The following KIF18A variants were observed in gnomAD, a reference collection of about 807,000 sequenced individuals.
The protein encoded by KIF18A is kinesin family member 18A, also known as kinesin-like protein KIF18A.
KIF18A carries 67 observed loss-of-function variants against 103.3 expected under a neutral mutation model. The ratio of observed to expected loss-of-function variants is 0.65; its 90% CI spans 0.53 to 0.79. KIF18A has a LOEUF of 0.79. Among genes scored for constraint, KIF18A ranks in the 30% least tolerant of loss-of-function variants. The pLI is 0.00. For missense variants in KIF18A, 1,032 were observed against 1,062.5 expected, an observed-to-expected ratio of 0.97 and a Z score of 0.40; for synonymous variants, 367 against 355.5, an observed-to-expected ratio of 1.03 and a Z score of -0.36.
intron 12 of KIF18A, among the ~76,000 whole-genome samples, chr11:28,061,836 T>C (rs917073307): frequency 1.3e-5 from 2 of 152,012 alleles, no homozygotes; most frequent in African/African-American, 2.4e-5. Flanking sequence ...GTATCCAATG[T>C]GACAAAAAAA....
chr11:28,069,099 A>T (rs1283031800), intron 11 of KIF18A, among the ~76,000 whole-genome samples, 160 bp downstream of exon 11: 2 of 152,214 alleles, frequency 1.3e-5, no homozygotes, highest in African/African-American at 4.8e-5. Flanking sequence ...TTATAAAAGG[A>T]TGCAATCACT....
At chr11:28,086,535 C>T (rs1276969235) in intron 6 of KIF18A, among the ~76,000 whole-genome samples, 2 of 152,052 alleles carry the variant, frequency 1.3e-5, no homozygotes, top group East Asian at 3.8e-4. Flanking sequence ...TAAAAGCAAC[C>T]TAATGTTATC....
At position 28,091,141 on chromosome 11, in the gene KIF18A, A is replaced by ATACATAC. The variant is rs1554974410; in HGVS notation, c.588+267_588+268insGTATGTA. ...CGGTCACAAAATAAATAAATAAATA[A>ATACATAC]ATAAATAAATACATACATACATACA... On this transcript the variant is annotated intron_variant, in intron 4 of 16. Coordinates refer to ENST00000263181, the MANE Select transcript of KIF18A (RefSeq NM_031217.4). 6.1e-4 allele frequency among the ~76,000 whole-genome samples: 79 copies of ATACATAC among 128,530 alleles called. No individual in the cohort carries two copies. In the South Asian group the frequency reaches 9.4e-3, roughly 15 times the overall value. 84.3% of individuals were successfully genotyped at this position (128,530 alleles called of 152,430 possible).
chr11:28,098,899 A>G (rs1438564815), intron 1 of KIF18A, among the ~76,000 whole-genome samples: 1 of 152,078 alleles, frequency 6.6e-6, no homozygotes, highest in Non-Finnish European at 1.5e-5. Context: ...CCAAACCACA[A>G]AACAAAATAA....
At chr11:28,078,852 T>C (rs1027751721) in intron 9 of KIF18A, among the ~76,000 whole-genome samples, 1 of 152,044 alleles carries the variant, frequency 6.6e-6, no homozygotes, top group Non-Finnish European at 1.5e-5. Context: ...TGAAAATTCA[T>C]GGCATTAAAA....
chr11:28,067,014 A>G (rs1307743915), intron 11 of KIF18A, among the ~76,000 whole-genome samples: 1 of 151,816 alleles, frequency 6.6e-6, no homozygotes, highest in African/African-American at 2.4e-5. Flanking sequence ...AATATCTTAA[A>G]TACATTTACA....
rs200195194 is a variant in KIF18A at position 28,036,498 on chromosome 11, A to G, written c.2115T>C (p.Tyr705=). The G allele has an allele frequency of 4.8e-5, 77 of 1,611,372 alleles. No individual in the cohort carries two copies. In the Admixed American group the frequency reaches 9.4e-4, roughly 20 times the overall value. Residue 705 remains tyrosine (Y), a synonymous_variant, in exon 14 of 17, where the codon TAT becomes TAC. Transcript: ENST00000263181. ...SLSKELQPIV[Y]TPEDCRKAFQ... ...AAGCTTTTCTACAGTCTTCTGGTGTATATACAATAGGCTGAAGTTCTTTGC... is the reference window on the plus strand; with the variant it reads ...AAGCTTTTCTACAGTCTTCTGGTGTGTATACAATAGGCTGAAGTTCTTTGC...
chr11:28,079,961 T>A (rs1309560713), intron 9 of KIF18A, among the ~76,000 whole-genome samples: 1 of 152,108 alleles, frequency 6.6e-6, no homozygotes, highest in East Asian at 1.9e-4. Flanking sequence ...AGTAGAAACC[T>A]CTCAAAATTC....
intron 10 of KIF18A, among the ~76,000 whole-genome samples, chr11:28,069,931 T>C (rs1850990583): frequency 6.6e-6 from 1 of 152,334 alleles, no homozygotes; most frequent in East Asian, 1.9e-4. Flanking sequence ...TATCAGTATC[T>C]GATCTTGCCT....
At chr11:28,034,183 G>C (rs565476237) in intron 15 of KIF18A, among the ~76,000 whole-genome samples, 1 of 151,756 alleles carries the variant, frequency 6.6e-6, no homozygotes, top group African/African-American at 2.4e-5. Flanking sequence ...AATTATTACA[G>C]TTAAAATTTT....
In KIF18A at chr11:28,021,096, A is replaced by C. The variant is rs1850233898; in HGVS notation, c.*104T>G. On this transcript the variant is annotated 3_prime_UTR_variant, in exon 17 of 17. Coordinates refer to ENST00000263181, the MANE Select transcript of KIF18A (RefSeq NM_031217.4). ...AAGTACTTGGGTAAACTTAGCTTTA[A>C]GATGGGTCTTCTTTCAAAGATTTTA... 3.6e-6 allele frequency: 4 copies of C among 1,120,734 alleles called. No individual in the cohort carries two copies. The highest frequency in any genetic ancestry group is 4.6e-6 in the Non-Finnish European group (4 of 874,016). The allele number at this position is 1,120,734 out of a possible 1,614,324, so 69.4% of individuals were successfully genotyped here. A position where few individuals can be genotyped will look rare whatever the true frequency, so the allele number is the denominator to read the frequency against.
chr11:28,079,136 C>T (rs1353032685), intron 9 of KIF18A, among the ~76,000 whole-genome samples: 1 of 151,930 alleles, frequency 6.6e-6, no homozygotes, highest in East Asian at 1.9e-4. Flanking sequence ...AGGGCCTTAC[C>T]AGAAAGAAAG....
chr11:28,035,567 G>T, intron 14 of KIF18A, 73 bp from the exon 15 acceptor site: 1 of 792,998 alleles, frequency 1.3e-6, no homozygotes. Context: ...AAGCAAATGT[G>T]TCCATAATTA....
intron 13 of KIF18A, among the ~76,000 whole-genome samples, chr11:28,046,129 A>T (rs1850629657): frequency 6.6e-6 from 1 of 151,908 alleles, no homozygotes; most frequent in African/African-American, 2.4e-5. Flanking sequence ...TGTGGAAGTC[A>T]GTGTGGCGAT....
intron 2 of KIF18A, 75 bp from the exon 3 acceptor site, chr11:28,094,875 G>C: frequency 7.6e-7 from 1 of 1,314,146 alleles, no homozygotes; most frequent in Non-Finnish European, 1.1e-6. Context: ...CTAGTGGATA[G>C]TTCCATCTGG....
At chr11:28,075,456 A>T (rs1851076742) in intron 10 of KIF18A, among the ~76,000 whole-genome samples, 1 of 152,174 alleles carries the variant, frequency 6.6e-6, no homozygotes, top group South Asian at 2.1e-4. Context: ...AAAGTGCTTT[A>T]ACATTTTCTG....
Position 28,062,440 on chromosome 11 carries a change from A to G in KIF18A, c.1667T>C (p.Met556Thr), listed in dbSNP as rs1404102456. 1.2e-6 allele frequency: 2 copies of G among 1,611,982 alleles called. No individual in the cohort carries two copies. The highest frequency in any genetic ancestry group is 1.7e-5 in the Admixed American group (1 of 59,858). Residue 556 changes from methionine (M) to threonine (T), a missense_variant, in exon 12 of 17, where the codon ATG (methionine) becomes ACG (threonine). By Grantham distance (81) the Met-to-Thr change is moderately conservative. Coordinates refer to ENST00000263181, the MANE Select transcript of KIF18A (RefSeq NM_031217.4). ...CTGTTCCTGAAGACAAGCTAGATCCATCATATGTCTAATTTGTGCTTTCAA... is the reference window on the plus strand; with the variant it reads ...CTGTTCCTGAAGACAAGCTAGATCCGTCATATGTCTAATTTGTGCTTTCAA... Reference protein sequence around the residue: ...KDLKAQIRHMMDLACLQEQQH... With the variant: ...KDLKAQIRHMTDLACLQEQQH...
intron 2 of KIF18A, among the ~76,000 whole-genome samples, chr11:28,096,139 G>T (rs140340814): frequency 9.5e-6 from 1 of 105,338 alleles, no homozygotes; most frequent in Non-Finnish European, 1.7e-5. Context: ...TTGCACCAGC[G>T]CACTCCAGCC....
chr11:28,092,780 T>A (rs1164622766), intron 3 of KIF18A, among the ~76,000 whole-genome samples: 1 of 152,234 alleles, frequency 6.6e-6, no homozygotes, highest in Admixed American at 6.5e-5. Flanking sequence ...CAATGAATGA[T>A]AGGCATTAGA....
Sources: gnomAD v4.1 joint callset for allele counts (sites outside exome capture counted in the v4.1 genomes callset) on GRCh38, gnomAD v4.1.1 for gene constraint, MANE v1.5 for transcripts, NCBI Gene and HGNC (gene_info 2026-07-23, HGNC 2026-07-21) for gene names.